MSH3: variants seen among roughly 807,000 people sequenced by gnomAD.
The protein encoded by MSH3 is mutS homolog 3, also known as DNA mismatch repair protein Msh3.
A neutral mutation model predicts 123.3 loss-of-function variants in MSH3; 106 were observed. That is an observed-to-expected ratio of 0.86 (90% CI 0.73 to 1.01). The LOEUF (loss-of-function observed/expected upper bound fraction) is 1.01. Ranked by LOEUF, MSH3 falls within the 50% of genes least tolerant of loss-of-function variation. The pLI is 0.00. For synonymous variants in MSH3, 515 were observed against 481.4 expected, an observed-to-expected ratio of 1.07 and a Z score of -0.91; for missense variants, 1,459 against 1,347.6, an observed-to-expected ratio of 1.08 and a Z score of -1.29.
At chr5:80,731,657 C>T (rs1743415568) in intron 10 of MSH3, among the ~76,000 whole-genome samples, 1 of 152,092 alleles carries the variant, frequency 6.6e-6, no homozygotes, top group Non-Finnish European at 1.5e-5. Flanking sequence ...AACTGGTACT[C>T]TAGTTTTGCT....
chr5:80,819,990 C>T (rs973383463), intron 20 of MSH3, among the ~76,000 whole-genome samples: 9 of 152,172 alleles, frequency 5.9e-5, no homozygotes, highest in South Asian at 2.1e-4. Context: ...CTTTACAATT[C>T]GGTAAGACCA....
At chr5:80,718,660 T>C (rs1751013049) in intron 8 of MSH3, among the ~76,000 whole-genome samples, 1 of 152,068 alleles carries the variant, frequency 6.6e-6, no homozygotes, top group Non-Finnish European at 1.5e-5. Flanking sequence ...TTTTTTTTTT[T>C]TCATAGAAGA....
intron 2 of MSH3, among the ~76,000 whole-genome samples, chr5:80,664,842 T>C (rs190953957): frequency 2.5e-4 from 38 of 152,120 alleles, no homozygotes; most frequent in Non-Finnish European, 4.9e-4. Flanking sequence ...CATTTGCAGT[T>C]GTTACCTCTC....
At chr5:80,676,985 G>T (rs139742351) in intron 7 of MSH3, among the ~76,000 whole-genome samples, 13 of 152,252 alleles carry the variant, frequency 8.5e-5, no homozygotes, top group African/African-American at 3.1e-4. Flanking sequence ...CTTTACTTCA[G>T]CAACCACTTT....
intron 20 of MSH3, among the ~76,000 whole-genome samples, chr5:80,824,567 G>A (rs538257269): frequency 4.6e-5 from 7 of 152,318 alleles, no homozygotes; most frequent in South Asian, 2.1e-4. Context: ...TCAAGCCCTC[G>A]CTGGAGAAAT....
chr5:80,672,529 C>T (rs1016324670), intron 5 of MSH3, among the ~76,000 whole-genome samples, 169 bp downstream of exon 5: 6 of 152,144 alleles, frequency 3.9e-5, no homozygotes, highest in Admixed American at 3.9e-4. Flanking sequence ...GAGTTTTTAA[C>T]ATATTGTTAG....
intron 20 of MSH3, among the ~76,000 whole-genome samples, chr5:80,849,641 T>C (rs1745794512): frequency 6.6e-6 from 1 of 152,118 alleles, no homozygotes; most frequent in Admixed American, 6.6e-5. Flanking sequence ...TTGGCCCCTT[T>C]TAGTCATGGC....
At chr5:80,850,730 G>A (rs1041027901) in intron 20 of MSH3, among the ~76,000 whole-genome samples, 1 of 152,180 alleles carries the variant, frequency 6.6e-6, no homozygotes, top group East Asian at 1.9e-4. Context: ...TGTGGCTGGG[G>A]ACACAGAGCC....
chr5:80,736,649 G>A (rs931940782), intron 10 of MSH3, among the ~76,000 whole-genome samples: 2 of 152,126 alleles, frequency 1.3e-5, no homozygotes, highest in Admixed American at 1.3e-4. Flanking sequence ...GGTTTATGCT[G>A]ATCACCTACC....
chr5:80,670,031 T>C, intron 3 of MSH3, 66 bp from the exon 4 acceptor site: 1 of 1,481,208 alleles, frequency 6.8e-7, no homozygotes, highest in Non-Finnish European at 9.3e-7. Context: ...ATTTGCATTT[T>C]CCGTCTCTGG....
chr5:80,766,965 T>C (rs1744134176), intron 13 of MSH3, among the ~76,000 whole-genome samples: 1 of 152,084 alleles, frequency 6.6e-6, no homozygotes, highest in Non-Finnish European at 1.5e-5. Flanking sequence ...TGTTACCATG[T>C]AAATACATAA....
intron 11 of MSH3, 25 bp from the exon 12 acceptor site, chr5:80,744,481 A>C (rs1394933058): frequency 6.5e-7 from 1 of 1,539,494 alleles, no homozygotes; most frequent in Non-Finnish European, 9.0e-7. Flanking sequence ...CTAGTTAATA[A>C]AACTTGTTTT....
chr5:80,789,523 A>G (rs1475672940), intron 18 of MSH3, among the ~76,000 whole-genome samples: 1 of 152,116 alleles, frequency 6.6e-6, no homozygotes, highest in African/African-American at 2.4e-5. Context: ...GGCGTGTGCC[A>G]CCACGCCTGG....
chr5:80,696,096 G>C lies in MSH3; in HGVS notation c.1340+17003G>C, dbSNP rs1324043145. 2.6e-5 allele frequency among the ~76,000 whole-genome samples: 4 copies of C among 152,304 alleles called. No homozygotes were observed. In the East Asian group the frequency reaches 7.7e-4, roughly 29 times the overall value. ...CTGCTGGGTCCCTGGAGGAGTTCCA[G>C]CTTCCCATGTGGCCTCCACTGGGCC... On this transcript the variant is annotated intron_variant, in intron 8 of 23. Coordinates refer to ENST00000265081, the MANE Select transcript of MSH3 (RefSeq NM_002439.5).
intron 20 of MSH3, among the ~76,000 whole-genome samples, chr5:80,851,836 G>T (rs569011051): frequency 6.6e-6 from 1 of 152,190 alleles, no homozygotes; most frequent in East Asian, 1.9e-4. Context: ...TTGACTGGTA[G>T]TTCATCCTTT....
At chr5:80,724,555 A>G (rs929004713) in intron 8 of MSH3, among the ~76,000 whole-genome samples, 14 of 152,170 alleles carry the variant, frequency 9.2e-5, no homozygotes, top group African/African-American at 1.4e-4. Context: ...GAAAAAGAAA[A>G]TGCATTACCC....
chr5:80,662,350 T>A (rs1482774726), intron 2 of MSH3, among the ~76,000 whole-genome samples: 12 of 152,068 alleles, frequency 7.9e-5, no homozygotes. Flanking sequence ...TCATAACATA[T>A]CCCCATCATT....
rs1217678820 is a variant in MSH3, at chr5:80,787,602, G to A, written c.2473G>A (p.Val825Met). Residue 825 changes from valine (V) to methionine (M), a missense_variant, in exon 18 of 24, where the codon GTG becomes ATG. Transcript: ENST00000265081. ...ACATTATCACTCCTTGTGTAAAGCA[G>A]TGCATCACCTAGCAACTGTTGACTG... ...SEHYHSLCKA[V>M]HHLATVDCIF... 1 of 1,613,804 alleles carries A rather than the reference G, an allele frequency of 6.2e-7. No homozygotes were observed. Among genetic ancestry groups the A allele is most frequent in the African/African-American group, 1.3e-5 (1 of 74,912 alleles).
chr5:80,737,341 T>A (rs768091747), intron 10 of MSH3, among the ~76,000 whole-genome samples: 2 of 152,186 alleles, frequency 1.3e-5, no homozygotes, highest in African/African-American at 2.4e-5. Context: ...GTCTTTTTTT[T>A]AAGCAGGGTT....
Sources: allele counts gnomAD v4.1 joint callset (sites outside exome capture counted in the v4.1 genomes callset), GRCh38; gene constraint gnomAD v4.1.1; transcripts MANE v1.5; gene names NCBI Gene and HGNC (gene_info 2026-07-23, HGNC 2026-07-21).